Variants in EXOC6B observed in about 807,000 individuals in gnomAD.
EXOC6B encodes exocyst complex component 6B.
In EXOC6B, 54 loss-of-function variants were observed where a neutral mutation model predicts 113.5. The ratio of observed to expected loss-of-function variants is 0.48; its 90% CI spans 0.38 to 0.60. The LOEUF is 0.60. Ranked by LOEUF, EXOC6B falls within the 20% of genes least tolerant of loss-of-function variation. The probability of loss-of-function intolerance (pLI) is 0.00; values close to 1 mark genes in which losing one functional copy is unlikely to be tolerated. For synonymous variants in EXOC6B, 357 were observed against 339.0 expected (o/e 1.05, Z -0.58); for missense variants, 797 against 977.5 (o/e 0.82, Z 2.46).
intron 7 of EXOC6B, 91 bp downstream of exon 7, chr2:72,575,401 C>T (rs1374594755): frequency 2.5e-6 from 3 of 1,191,730 alleles, no homozygotes; most frequent in East Asian, 5.6e-5. Flanking sequence ...ATCACACAAA[C>T]TACATTATAT....
At chr2:72,789,101 A>G (rs1385773450) in intron 1 of EXOC6B, among the ~76,000 whole-genome samples, 1 of 152,206 alleles carries the variant, frequency 6.6e-6, no homozygotes, top group East Asian at 1.9e-4. Flanking sequence ...GAGCTGGTTT[A>G]TCTTGCAATT....
intron 1 of EXOC6B, among the ~76,000 whole-genome samples, chr2:72,747,907 A>G (rs1280299317): frequency 1.3e-5 from 2 of 151,974 alleles, no homozygotes; most frequent in Admixed American, 1.3e-4. Flanking sequence ...TTGTCCATTC[A>G]CTTGCCAATC....
At chr2:72,495,315 T>C in intron 15 of EXOC6B, 115 bp downstream of exon 15, 2 of 572,590 alleles carry the variant, frequency 3.5e-6, no homozygotes, top group Non-Finnish European at 6.2e-6. Flanking sequence ...GAAAAGCTAA[T>C]TATTAAGATT....
At chr2:72,221,813 G>GGCCAGAAGATATTCA (rs1167830031) in intron 20 of EXOC6B, among the ~76,000 whole-genome samples, 1 of 152,084 alleles carries the variant, frequency 6.6e-6, no homozygotes, top group African/African-American at 2.4e-5. Context: ...CTCAGCTCAG[G>GGCCAGAAGATATTCA]GTTTGGGCCC....
chr2:72,316,782 T>C (rs1366729090), intron 20 of EXOC6B, among the ~76,000 whole-genome samples: 3 of 152,146 alleles, frequency 2.0e-5, no homozygotes, highest in African/African-American at 7.2e-5. Flanking sequence ...TACAAGAGCA[T>C]TTGTAATGAA....
At chr2:72,824,815 C>T (rs1405144803) in intron 1 of EXOC6B, among the ~76,000 whole-genome samples, 2 of 152,026 alleles carry the variant, frequency 1.3e-5, no homozygotes. Context: ...GAGTAGTTAC[C>T]AACAGTAAGT....
At chr2:72,631,841 CTGT>C (rs549944194) in intron 6 of EXOC6B, among the ~76,000 whole-genome samples, 156 of 152,116 alleles carry the variant, frequency 1.0e-3, no homozygotes, top group African/African-American at 3.6e-3. Context: ...GACACCAAAC[CTGT>C]AAAAGAAAAT....
At position 72,747,454 on chromosome 2, in the gene EXOC6B, A is replaced by T. The variant is rs1190151276; in HGVS notation, c.114-5985T>A. On this transcript the variant is annotated intron_variant, in intron 1 of 21. Coordinates refer to ENST00000272427, the MANE Select transcript of EXOC6B (RefSeq NM_015189.3). The stretch of plus-strand genomic sequence containing the variant: ...AAAAGGAAGAAGATATTGCCCAAAA[A>T]ATCTTAGAATGGCAAAGGGGAAAAT... Among the ~76,000 whole-genome samples, 3 of 152,034 alleles carry T rather than the reference A, an allele frequency of 2.0e-5. No individual in the cohort carries two copies. The East Asian group carries it at 5.8e-4, about 29-fold the overall frequency.
At chr2:72,409,634 G>A (rs1429610070) in intron 18 of EXOC6B, among the ~76,000 whole-genome samples, 18 of 150,462 alleles carry the variant, frequency 1.2e-4, no homozygotes, top group East Asian at 2.0e-4. Context: ...ACCAAACACC[G>A]CATGTTCTCA....
chr2:72,684,799 C>T (rs1399112132), intron 6 of EXOC6B, among the ~76,000 whole-genome samples: 4 of 151,960 alleles, frequency 2.6e-5, no homozygotes, highest in African/African-American at 4.8e-5. Context: ...ACAATGGTTG[C>T]CCATGGGGAG....
At chr2:72,756,863 G>T (rs1417835133) in intron 1 of EXOC6B, among the ~76,000 whole-genome samples, 1 of 152,112 alleles carries the variant, frequency 6.6e-6, no homozygotes, top group African/African-American at 2.4e-5. Flanking sequence ...GGAAGAGGAA[G>T]AGGAGAGTAA....
intron 20 of EXOC6B, among the ~76,000 whole-genome samples, chr2:72,190,603 A>T (rs1452529840): frequency 1.3e-5 from 2 of 152,084 alleles, no homozygotes; most frequent in African/African-American, 4.8e-5. Context: ...TAACCAATCT[A>T]GTTTCTCGTT....
chr2:72,484,296 C>T (rs925117579), intron 16 of EXOC6B, among the ~76,000 whole-genome samples: 3 of 151,838 alleles, frequency 2.0e-5, no homozygotes, highest in Non-Finnish European at 1.5e-5. Context: ...CGGTGGCTCA[C>T]GCCTGTAATC....
chr2:72,182,853 C>T, intron 21 of EXOC6B: 1 of 1,221,500 alleles, frequency 8.2e-7, no homozygotes, highest in Non-Finnish European at 1.0e-6. Context: ...AAGGACTTGC[C>T]TCAAAGTGAT....
intron 20 of EXOC6B, among the ~76,000 whole-genome samples, chr2:72,279,173 C>CCCTTCACTA (rs1684975621): frequency 6.6e-6 from 1 of 152,186 alleles, no homozygotes; most frequent in Non-Finnish European, 1.5e-5. Flanking sequence ...TACTCTGTTT[C>CCCTTCACTA]TCTCTTCCTC....
intron 1 of EXOC6B, among the ~76,000 whole-genome samples, chr2:72,815,804 T>C (rs757146881): frequency 6.6e-6 from 1 of 152,192 alleles, no homozygotes; most frequent in Non-Finnish European, 1.5e-5. Flanking sequence ...AAATTCCAGA[T>C]ATATTCATCA....
At chr2:72,199,721 T>A (rs1048117578) in intron 20 of EXOC6B, among the ~76,000 whole-genome samples, 2 of 152,124 alleles carry the variant, frequency 1.3e-5, no homozygotes, top group African/African-American at 2.4e-5. Context: ...GGATCAAGCA[T>A]CCTACATGAA....
intron 6 of EXOC6B, among the ~76,000 whole-genome samples, chr2:72,611,363 A>C (rs919898577): frequency 2.6e-5 from 4 of 152,112 alleles, no homozygotes; most frequent in Admixed American, 2.6e-4. Context: ...CTCAAAAAAA[A>C]AAACAAAAAA....
chr2:72,764,301 A>G (rs571157951), intron 1 of EXOC6B, among the ~76,000 whole-genome samples: 1 of 151,708 alleles, frequency 6.6e-6, no homozygotes, highest in East Asian at 1.9e-4. Context: ...TGTATTATTA[A>G]AAACAGATTA....
Sources: gnomAD v4.1 joint callset for allele counts (sites outside exome capture counted in the v4.1 genomes callset) on GRCh38, gnomAD v4.1.1 for gene constraint, MANE v1.5 for transcripts, NCBI Gene and HGNC (gene_info 2026-07-23, HGNC 2026-07-21) for gene names.